Variants in WDR7 observed in about 807,000 individuals in gnomAD.
The protein encoded by WDR7 is WD repeat-containing protein 7.
A neutral mutation model predicts 169.4 loss-of-function variants in WDR7; 46 were observed. The ratio of observed to expected loss-of-function variants is 0.27; its 90% CI spans 0.21 to 0.35. The LOEUF (loss-of-function observed/expected upper bound fraction) is 0.35, where lower values mean the gene tolerates loss of function less well. Among genes scored for constraint, WDR7 ranks in the 10% least tolerant of loss-of-function variants. The pLI, the probability that WDR7 is intolerant of heterozygous loss-of-function variation, is 1.00. For synonymous variants in WDR7, 612 were observed against 666.8 expected, an observed-to-expected ratio of 0.92 and a Z score of 1.27; for missense variants, 1,534 against 1,859.3, an observed-to-expected ratio of 0.83 and a Z score of 3.22.
At chr18:56,747,533 G>A (rs1243286424) in intron 14 of WDR7, among the ~76,000 whole-genome samples, 1 of 152,130 alleles carries the variant, frequency 6.6e-6, no homozygotes, top group Non-Finnish European at 1.5e-5. Context: ...CTGGCATTGG[G>A]GAGTTCCTAC....
At chr18:56,900,076 G>A (rs2046380399) in intron 21 of WDR7, among the ~76,000 whole-genome samples, 1 of 52,172 alleles carries the variant, frequency 1.9e-5, no homozygotes. Flanking sequence ...GTGTGTGTGT[G>A]TGTGTGTATA....
chr18:56,841,647 C>T (rs2045488193), intron 20 of WDR7, among the ~76,000 whole-genome samples: 1 of 151,992 alleles, frequency 6.6e-6, no homozygotes, highest in Non-Finnish European at 1.5e-5. Flanking sequence ...TATTTTTCCA[C>T]CACAAGTTAC....
chr18:56,737,448 A>G (rs1454235021), intron 14 of WDR7, among the ~76,000 whole-genome samples: 1 of 152,184 alleles, frequency 6.6e-6, no homozygotes, highest in African/African-American at 2.4e-5. Context: ...CATCTTGAGC[A>G]TTGTTGTGCC....
chr18:57,028,002 G>A lies in WDR7; in HGVS notation c.*795G>A, dbSNP rs979575371. On this transcript the variant is annotated 3_prime_UTR_variant, in exon 28 of 28. Coordinates refer to ENST00000254442, the MANE Select transcript of WDR7 (RefSeq NM_015285.3). ...GTCACTGTAACTAATCTCTTGAAGG[G>A]ACTTTTGTGATAAAGAGCCAAGTTC... is the stretch of plus-strand genomic sequence containing the variant. 3 of 152,124 alleles carry A rather than the reference G, an allele frequency of 2.0e-5. No individual in the cohort carries two copies. Among genetic ancestry groups the A allele is most frequent in the African/African-American group, 7.2e-5 (3 of 41,422 alleles). 9.4% of individuals were successfully genotyped at this position (152,124 alleles called of 1,614,324 possible).
chr18:56,946,342 A>T (rs79914739), intron 25 of WDR7, among the ~76,000 whole-genome samples: 5,705 of 152,254 alleles, frequency 0.037, 133 homozygotes, highest in Non-Finnish European at 0.053. Flanking sequence ...TGTTGATGTC[A>T]CTCAGTACAT....
At chr18:56,898,602 C>T (rs2046360683) in intron 21 of WDR7, among the ~76,000 whole-genome samples, 1 of 152,062 alleles carries the variant, frequency 6.6e-6, no homozygotes, top group Non-Finnish European at 1.5e-5. Flanking sequence ...AGTCAAAGGG[C>T]ATACCTTTAA....
chr18:56,754,599 C>T (rs560880028), intron 14 of WDR7, among the ~76,000 whole-genome samples: 7 of 151,898 alleles, frequency 4.6e-5, no homozygotes, highest in African/African-American at 1.2e-4. Flanking sequence ...ACTTAAAATT[C>T]GACTATGGGT....
intron 20 of WDR7, among the ~76,000 whole-genome samples, chr18:56,859,956 G>A (rs1451648897): frequency 6.6e-6 from 1 of 152,050 alleles, no homozygotes; most frequent in Non-Finnish European, 1.5e-5. Context: ...TTTTTGTGGG[G>A]TATAACTAGT....
Position 57,027,269 on chromosome 18 carries a change from C to CT in WDR7, c.*63dup. 6.5e-7 allele frequency: 1 copy of CT among 1,532,186 alleles called. No homozygotes were observed. Among genetic ancestry groups the CT allele is most frequent in the Non-Finnish European group, 8.8e-7 (1 of 1,140,340 alleles). The allele number at this position is 1,532,186 out of a possible 1,614,324, so 94.9% of individuals were successfully genotyped here. On this transcript the variant is annotated 3_prime_UTR_variant, in exon 28 of 28. Transcript: ENST00000254442. ...CTAAATTATCCAAGCCGATGTTGCT[C>CT]TGTCCTTCCTCACACCAGATTGTTC...
At chr18:56,807,773 G>A (rs1219589057) in intron 19 of WDR7, among the ~76,000 whole-genome samples, 2 of 151,666 alleles carry the variant, frequency 1.3e-5, no homozygotes, top group Non-Finnish European at 2.9e-5. Context: ...TGTTATTTGA[G>A]CTTGAAGACA....
chr18:56,979,950 C>T (rs1376833988), intron 26 of WDR7, among the ~76,000 whole-genome samples: 1 of 152,150 alleles, frequency 6.6e-6, no homozygotes, highest in Non-Finnish European at 1.5e-5. Flanking sequence ...TAATTATGCA[C>T]CACGGTTTTA....
At chr18:56,706,360 A>G (rs963070841) in intron 12 of WDR7, among the ~76,000 whole-genome samples, 3 of 152,220 alleles carry the variant, frequency 2.0e-5, no homozygotes, top group African/African-American at 7.2e-5. Context: ...CTGTAGGCAT[A>G]TGGAGCTTGA....
At chr18:56,941,812 C>G (rs928003939) in intron 25 of WDR7, among the ~76,000 whole-genome samples, 7 of 152,132 alleles carry the variant, frequency 4.6e-5, no homozygotes, top group Non-Finnish European at 1.0e-4. Context: ...AAAGATGTGC[C>G]CATTAGGTGA....
intron 26 of WDR7, among the ~76,000 whole-genome samples, chr18:56,997,321 CCA>C (rs1307172743): frequency 6.6e-6 from 1 of 152,186 alleles, no homozygotes; most frequent in African/African-American, 2.4e-5. Flanking sequence ...TCAGGCAAAG[CCA>C]CAGTGTTTGC....
intron 21 of WDR7, among the ~76,000 whole-genome samples, chr18:56,917,987 G>C (rs2046652509): frequency 6.6e-6 from 1 of 152,146 alleles, no homozygotes; most frequent in Admixed American, 6.5e-5. Flanking sequence ...CAGCCAGAGG[G>C]TCTAAGTTGT....
intron 19 of WDR7, among the ~76,000 whole-genome samples, chr18:56,814,980 G>C (rs1396945179): frequency 6.6e-6 from 1 of 152,062 alleles, no homozygotes; most frequent in Non-Finnish European, 1.5e-5. Flanking sequence ...CCTACTGGTA[G>C]GTCCATTTCT....
chr18:56,943,863 A>G (rs968735994), intron 25 of WDR7, among the ~76,000 whole-genome samples: 1 of 151,982 alleles, frequency 6.6e-6, no homozygotes, highest in Non-Finnish European at 1.5e-5. Context: ...CAAAGATAAA[A>G]TAGCATTATA....
chr18:56,881,007 G>A (rs1161228803), intron 21 of WDR7, among the ~76,000 whole-genome samples: 2 of 152,154 alleles, frequency 1.3e-5, no homozygotes, highest in African/African-American at 2.4e-5. Flanking sequence ...AGAACAAAAT[G>A]CAATAGATCC....
intron 5 of WDR7, among the ~76,000 whole-genome samples, chr18:56,683,181 A>G (rs2025382865): frequency 6.6e-6 from 1 of 152,104 alleles, no homozygotes; most frequent in South Asian, 2.1e-4. Context: ...TTTTACCTGT[A>G]TATTTCTGGG....
Sources: gnomAD v4.1 joint callset for allele counts (sites outside exome capture counted in the v4.1 genomes callset) on GRCh38, gnomAD v4.1.1 for gene constraint, MANE v1.5 for transcripts, NCBI Gene and HGNC (gene_info 2026-07-23, HGNC 2026-07-21) for gene names.